MCM8: variants seen among roughly 807,000 people sequenced by gnomAD.
MCM8 encodes the protein minichromosome maintenance 8 homologous recombination repair factor.
Under a neutral mutation model 98.9 loss-of-function variants are expected in MCM8, and 85 were observed. The ratio of observed to expected loss-of-function variants is 0.86; its 90% CI spans 0.72 to 1.03. MCM8 has a LOEUF of 1.03. Among genes scored for constraint, MCM8 ranks in the 50% least tolerant of loss-of-function variants. The pLI, the probability that MCM8 is intolerant of heterozygous loss-of-function variation, is 0.00. For synonymous variants in MCM8, 352 were observed against 338.6 expected (o/e 1.04, Z -0.44); for missense variants, 951 against 997.8 (o/e 0.95, Z 0.63).
In MCM8 at chr20:5,986,028, G is replaced by A. The variant is rs149433613; in HGVS notation, c.2060G>A (p.Arg687Gln). 532 of 1,614,076 alleles carry A rather than the reference G, an allele frequency of 3.3e-4. 6 individuals are homozygous for A. Among genetic ancestry groups the A allele is most frequent in the African/African-American group, 1.3e-4 (10 of 74,924 alleles). ...VYPRLSTEAA[R>Q]VLQDFYLELR... is the part of the protein sequence containing the mutation. ...CCAAGGCTATCCACAGAAGCTGCTCGAGTTCTTCAAGATTTTTACCTTGAG... is the reference window on the plus strand; with the variant it reads ...CCAAGGCTATCCACAGAAGCTGCTCAAGTTCTTCAAGATTTTTACCTTGAG... Residue 687 changes from arginine to glutamine, a missense_variant, in exon 16 of 19, where the codon CGA becomes CAA. Arg to Gln is a conservative substitution (Grantham distance 43). Transcript: ENST00000610722.
chr20:5,991,447 A>G (rs962154384), intron 17 of MCM8: 13 of 152,218 alleles, frequency 8.5e-5, no homozygotes, highest in Non-Finnish European at 7.3e-5. Context: ...AACAAGTTTC[A>G]GATCAGTTTA....
At chr20:5,972,104 T>G in intron 11 of MCM8, 67 bp downstream of exon 11, 1 of 1,287,180 alleles carries the variant, frequency 7.8e-7, no homozygotes, top group Non-Finnish European at 1.1e-6. Flanking sequence ...TATAAAAACT[T>G]TACAGAAAGT....
intron 17 of MCM8, among the ~76,000 whole-genome samples, chr20:5,993,248 C>A (rs1054206306): frequency 1.3e-5 from 2 of 152,104 alleles, no homozygotes; most frequent in African/African-American, 4.8e-5. Flanking sequence ...TGTAGTTTAT[C>A]AATTTTGTGT....
Position 5,993,696 on chromosome 20 carries a change from G to T in MCM8, c.2430+1G>T. On this transcript the variant is annotated splice_donor_variant, in intron 18 of 18. Coordinates refer to ENST00000610722, the MANE Select transcript of MCM8 (RefSeq NM_032485.6). LOFTEE classifies it high-confidence loss of function. ...GATTGCCAAAGAACTAAACATTCAG[G>T]TATGTTAAACTAGTTAATCTCTTTT... is the stretch of plus-strand genomic sequence containing the variant. 6.3e-7 allele frequency: 1 copy of T among 1,593,076 alleles called. No individual in the cohort carries two copies. Among genetic ancestry groups the T allele is most frequent in the Middle Eastern group, 1.7e-4 (1 of 5,806 alleles).
chr20:5,967,720 TA>T, intron 9 of MCM8, 109 bp from the exon 10 acceptor site: 16 of 1,362,848 alleles, frequency 1.2e-5, no homozygotes, highest in Admixed American at 2.3e-5. Context: ...CATTCCCTTT[TA>T]AAAAAACATG....
intron 4 of MCM8, 37 bp downstream of exon 4, chr20:5,954,727 C>T: frequency 8.2e-7 from 1 of 1,219,206 alleles, no homozygotes; most frequent in Non-Finnish European, 1.2e-6. Flanking sequence ...CAGTCATGTG[C>T]CATCTTACCA....
intron 15 of MCM8, 23 bp from the exon 16 acceptor site, chr20:5,985,899 T>C (rs375007892): frequency 1.9e-6 from 3 of 1,609,498 alleles, no homozygotes; most frequent in Non-Finnish European, 2.6e-6. Context: ...CTTGTTATCT[T>C]GGGCCTTTTA....
intron 12 of MCM8, among the ~76,000 whole-genome samples, chr20:5,976,913 C>T (rs1003197558): frequency 1.3e-5 from 2 of 152,172 alleles, no homozygotes; most frequent in African/African-American, 2.4e-5. Context: ...GATTGTGCCA[C>T]TGCACTCCAG....
rs770900805 is a variant in MCM8 at position 5,957,219 on chromosome 20, A to G, written c.580A>G (p.Ile194Val). 1.2e-6 allele frequency: 2 copies of G among 1,612,384 alleles called. No individual in the cohort carries two copies. The highest frequency in any genetic ancestry group is 2.2e-5 in the South Asian group (2 of 90,950). ...AGAAACAATGGTAAATGTGCCACATATTCATGCAAGGTGAGGAATTTGATG... is the reference window on the plus strand; with the variant it reads ...AGAAACAATGGTAAATGTGCCACATGTTCATGCAAGGTGAGGAATTTGATG... ...DGETMVNVPH[I>V]HARVYNYEPL... Residue 194 changes from isoleucine (I) to valine (V), a missense_variant, in exon 6 of 19, where the codon ATT becomes GTT. By Grantham distance (29) the Ile-to-Val change is conservative. Transcript: ENST00000610722.
chr20:5,993,228 G>T (rs965760053), intron 17 of MCM8, among the ~76,000 whole-genome samples: 1 of 151,984 alleles, frequency 6.6e-6, no homozygotes, highest in African/African-American at 2.4e-5. Context: ...AATGTCCCAG[G>T]TATTTATATT....
intron 13 of MCM8, among the ~76,000 whole-genome samples, chr20:5,978,376 G>A (rs1268325958): frequency 6.6e-6 from 1 of 152,138 alleles, no homozygotes; most frequent in Admixed American, 6.5e-5. Flanking sequence ...CCTGTATGGT[G>A]GGATTTGGAT....
At chr20:5,986,737 T>C (rs1401942425) in intron 16 of MCM8, among the ~76,000 whole-genome samples, 1 of 152,248 alleles carries the variant, frequency 6.6e-6, no homozygotes, top group Non-Finnish European at 1.5e-5. Context: ...CCTGAAATGA[T>C]CACTCAGAAA....
At chr20:5,973,923 G>A (rs1284262391) in intron 12 of MCM8, among the ~76,000 whole-genome samples, 1 of 152,092 alleles carries the variant, frequency 6.6e-6, no homozygotes, top group African/African-American at 2.4e-5. Flanking sequence ...CCAAAGTGCT[G>A]GGATTACCGG....
At position 5,998,406 on chromosome 20, in the gene MCM8, T is replaced by A. The variant is rs1052241449; in HGVS notation, c.*4015T>A. On this transcript the variant is annotated 3_prime_UTR_variant, in exon 19 of 19. Coordinates refer to ENST00000610722, the MANE Select transcript of MCM8 (RefSeq NM_032485.6). ...GAGAGAGCCATCTTCCTCTTGCTTGTGTTCTGGTGGCATGTGTGGTTGAGG... is the reference window on the plus strand; with the variant it reads ...GAGAGAGCCATCTTCCTCTTGCTTGAGTTCTGGTGGCATGTGTGGTTGAGG... 3.3e-5 allele frequency: 5 copies of A among 152,374 alleles called. No individual in the cohort carries two copies. Among genetic ancestry groups the A allele is most frequent in the African/African-American group, 1.2e-4 (5 of 41,592 alleles). The allele number at this position is 152,374 out of a possible 1,614,324, so 9.4% of individuals were successfully genotyped here. A position where few individuals can be genotyped will look rare whatever the true frequency, so the allele number is the denominator to read the frequency against.
intron 7 of MCM8, among the ~76,000 whole-genome samples, chr20:5,962,712 T>C (rs1255511936): frequency 1.3e-5 from 2 of 152,202 alleles, no homozygotes; most frequent in Non-Finnish European, 2.9e-5. Flanking sequence ...TTCTAAAAAG[T>C]CTTGAAGATA....
At chr20:5,988,140 C>CTT (rs2089770251) in intron 17 of MCM8, among the ~76,000 whole-genome samples, 1 of 151,820 alleles carries the variant, frequency 6.6e-6, no homozygotes, top group African/African-American at 2.4e-5. Flanking sequence ...TAGGTCCATA[C>CTT]TTTCATAAGC....
rs941682000 is a variant in MCM8 at position 5,972,145 on chromosome 20, C to G, written c.1254+108C>G. ...ATTTCTATTGGCCAGTTATTTATAT[C>G]TTAATATGCTTTGTAAATTAATGAT... On this transcript the variant is annotated intron_variant, in intron 11 of 18. Transcript: ENST00000610722. The G allele has an allele frequency of 8.0e-5, 54 of 673,256 alleles. No individual in the cohort carries two copies. In the Middle Eastern group the frequency reaches 3.4e-3, roughly 43 times the overall value. 41.7% of individuals were successfully genotyped at this position (673,256 alleles called of 1,614,324 possible). A position where few individuals can be genotyped will look rare whatever the true frequency, so the allele number is the denominator to read the frequency against.
At position 5,996,551 on chromosome 20, in the gene MCM8, A is replaced by G. The variant is rs902702774; in HGVS notation, c.*2160A>G. 6.6e-6 allele frequency: 1 copy of G among 152,178 alleles called. No individual in the cohort carries two copies. Among genetic ancestry groups the G allele is most frequent in the Non-Finnish European group, 1.5e-5 (1 of 68,050 alleles). The allele number at this position is 152,178 out of a possible 1,614,324, so 9.4% of individuals were successfully genotyped here. A position where few individuals can be genotyped will look rare whatever the true frequency, so the allele number is the denominator to read the frequency against. ...AAGAGATATTTAAAGCTGAAAAAAA[A>G]TCTATTAATAGAATTTAAAACATTT... On this transcript the variant is annotated 3_prime_UTR_variant, in exon 19 of 19. Transcript: ENST00000610722.
chr20:5,958,876 T>C, intron 7 of MCM8, 150 bp downstream of exon 7: 1 of 734,518 alleles, frequency 1.4e-6, no homozygotes, highest in Non-Finnish European at 2.1e-6. Flanking sequence ...TACTTCAGGG[T>C]AAGAAAAATA....
Sources: gnomAD v4.1 joint callset for allele counts (sites outside exome capture counted in the v4.1 genomes callset) on GRCh38, gnomAD v4.1.1 for gene constraint, MANE v1.5 for transcripts, NCBI Gene and HGNC (gene_info 2026-07-23, HGNC 2026-07-21) for gene names.